Variants in PRDM5 observed in about 807,000 individuals in gnomAD.
PRDM5 encodes PR domain zinc finger protein 5.
In PRDM5, 56 loss-of-function variants were observed where a neutral mutation model predicts 81.2. That is an observed-to-expected ratio of 0.69 (90% CI 0.56 to 0.86). PRDM5 has a LOEUF of 0.86. Among genes scored for constraint, PRDM5 ranks in the 40% least tolerant of loss-of-function variants. The pLI, the probability that PRDM5 is intolerant of heterozygous loss-of-function variation, is 0.00. For missense variants in PRDM5, 697 were observed against 770.1 expected (o/e 0.91, Z 1.12); for synonymous variants, 267 against 256.4 (o/e 1.04, Z -0.39).
At chr4:120,864,305 C>T (rs1256699569) in intron 2 of PRDM5, among the ~76,000 whole-genome samples, 6 of 152,082 alleles carry the variant, frequency 3.9e-5, no homozygotes, top group Non-Finnish European at 8.8e-5. Flanking sequence ...ATGGGAAGTA[C>T]GATCTACAGG....
chr4:120,850,990 G>A (rs1759200243), intron 3 of PRDM5, among the ~76,000 whole-genome samples: 2 of 152,082 alleles, frequency 1.3e-5, no homozygotes, highest in African/African-American at 4.8e-5. Context: ...TATTGACACT[G>A]TTTTCCATTA....
intron 14 of PRDM5, among the ~76,000 whole-genome samples, chr4:120,744,777 T>A (rs957460417): frequency 6.6e-6 from 1 of 150,972 alleles, no homozygotes; most frequent in African/African-American, 2.4e-5. Flanking sequence ...TCTGAAATTG[T>A]GGCAAGAATC....
chr4:120,826,525 T>A (rs2149359268), intron 3 of PRDM5, among the ~76,000 whole-genome samples: 1 of 152,288 alleles, frequency 6.6e-6, no homozygotes, highest in South Asian at 2.1e-4. Flanking sequence ...AAAAGATGAT[T>A]TTCTCAAGTG....
chr4:120,898,905 C>T (rs1195760664), intron 2 of PRDM5, among the ~76,000 whole-genome samples: 1 of 152,168 alleles, frequency 6.6e-6, no homozygotes, highest in Admixed American at 6.5e-5. Flanking sequence ...GATAGCGCTC[C>T]TCTTTCCATC....
chr4:120,884,974 C>A (rs937068247), intron 2 of PRDM5, among the ~76,000 whole-genome samples: 2 of 148,904 alleles, frequency 1.3e-5, no homozygotes, highest in Admixed American at 1.3e-4. Context: ...CATGGTGAAA[C>A]CCCCTCTCTA....
At chr4:120,707,751 C>G (rs776680268) in intron 15 of PRDM5, among the ~76,000 whole-genome samples, 6 of 151,902 alleles carry the variant, frequency 3.9e-5, no homozygotes, top group Non-Finnish European at 8.8e-5. Context: ...AGAAAACCTA[C>G]AGAATGAAAA....
intron 14 of PRDM5, among the ~76,000 whole-genome samples, chr4:120,719,436 CTTTA>C (rs1738267600): frequency 6.6e-6 from 1 of 152,186 alleles, no homozygotes; most frequent in South Asian, 2.1e-4. Flanking sequence ...TTCACGGTTT[CTTTA>C]TTTATCATAG....
chr4:120,746,206 G>A (rs1305008744), intron 14 of PRDM5, among the ~76,000 whole-genome samples: 2 of 92,634 alleles, frequency 2.2e-5, no homozygotes. Context: ...TTAATAAATG[G>A]TGCTGGGAAA....
chr4:120,919,223 CTCAA>C (rs1579245602), intron 1 of PRDM5, among the ~76,000 whole-genome samples: 1 of 152,304 alleles, frequency 6.6e-6, no homozygotes, highest in East Asian at 1.9e-4. Context: ...TAACACTTGC[CTCAA>C]TCATTTTGGT....
intron 2 of PRDM5, among the ~76,000 whole-genome samples, chr4:120,880,075 A>G (rs1762696110): frequency 6.6e-6 from 1 of 152,182 alleles, no homozygotes; most frequent in Admixed American, 6.5e-5. Flanking sequence ...TACTGCACTA[A>G]TGTAAGATGT....
chr4:120,686,472 A>G (rs1265754927), intron 1 of PRDM5, among the ~76,000 whole-genome samples: 1 of 152,132 alleles, frequency 6.6e-6, no homozygotes, highest in Non-Finnish European at 1.5e-5. Context: ...TGATAATCTT[A>G]TATCTGATTT....
chr4:120,821,286 C>T lies in PRDM5; in HGVS notation c.360G>A (p.Leu120=), dbSNP rs751789550. ...CCATGTCACTATCCAGGTAGCCAAT[C>T]AGAAGCTCCGTGTCTGTTTCTATAT... ...VEDIETDTEL[L]IGYLDSDMEA... Residue 120 remains leucine, a synonymous_variant, in exon 4 of 16, where the codon CTG becomes CTA. Coordinates refer to ENST00000264808, the MANE Select transcript of PRDM5 (RefSeq NM_018699.4). The T allele has an allele frequency of 2.5e-6, 4 of 1,614,070 alleles. No individual in the cohort carries two copies. In the Admixed American group the frequency reaches 5.0e-5, roughly 20 times the overall value.
chr4:120,752,870 G>A (rs1344565725), intron 14 of PRDM5, among the ~76,000 whole-genome samples: 1 of 152,090 alleles, frequency 6.6e-6, no homozygotes, highest in Non-Finnish European at 1.5e-5. Context: ...GCCTAAAAGA[G>A]TACTGGCATG....
At chr4:120,906,290 C>T (rs1765783507) in intron 2 of PRDM5, among the ~76,000 whole-genome samples, 1 of 152,130 alleles carries the variant, frequency 6.6e-6, no homozygotes, top group East Asian at 1.9e-4. Context: ...ATTGGATCCA[C>T]AAATGCTTGC....
intron 15 of PRDM5, 113 bp from the exon 16 acceptor site, chr4:120,695,388 G>A (rs1036190125): frequency 4.2e-6 from 5 of 1,202,392 alleles, no homozygotes; most frequent in Admixed American, 4.0e-5. Context: ...GCATTTAATC[G>A]GTGTCCTTTG....
chr4:120,869,270 A>T (rs183375084), intron 2 of PRDM5, among the ~76,000 whole-genome samples: 2 of 152,318 alleles, frequency 1.3e-5, no homozygotes, highest in African/African-American at 4.8e-5. Flanking sequence ...AAGTCCATGA[A>T]CATTAATCTT....
chr4:120,856,854 G>A (rs2597547), intron 2 of PRDM5, among the ~76,000 whole-genome samples: 64,313 of 151,996 alleles, frequency 0.42, 13,897 homozygotes, highest in Non-Finnish European at 0.47. Context: ...TTACTGTCAA[G>A]ACTTAGTCTT....
chr4:120,698,432 C>T (rs931728411), intron 15 of PRDM5, among the ~76,000 whole-genome samples: 1 of 152,180 alleles, frequency 6.6e-6, no homozygotes, highest in East Asian at 1.9e-4. Flanking sequence ...TCCATCCTAA[C>T]TAAGTCAGTC....
chr4:120,763,467 A>G (rs1461758463), intron 13 of PRDM5, among the ~76,000 whole-genome samples: 1 of 152,122 alleles, frequency 6.6e-6, no homozygotes, highest in African/African-American at 2.4e-5. Context: ...TCTTGATGTG[A>G]GTGCTGGCAA....
Sources: gnomAD v4.1 joint callset for allele counts (sites outside exome capture counted in the v4.1 genomes callset) on GRCh38, gnomAD v4.1.1 for gene constraint, MANE v1.5 for transcripts, NCBI Gene and HGNC (gene_info 2026-07-23, HGNC 2026-07-21) for gene names.